CDH8: variants seen among roughly 807,000 people sequenced by gnomAD.
CDH8 encodes the protein cadherin-8.
CDH8 carries 17 observed loss-of-function variants against 68.1 expected under a neutral mutation model. The observed-to-expected ratio is 0.25, with a 90% CI of 0.17 to 0.37. The LOEUF is 0.37. Ranked by LOEUF, CDH8 falls within the 10% of genes least tolerant of loss-of-function variation. The pLI, the probability that CDH8 is intolerant of heterozygous loss-of-function variation, is 1.00. For missense variants in CDH8, 763 were observed against 999.3 expected (o/e 0.76, Z 3.19); for synonymous variants, 372 against 365.1 (o/e 1.02, Z -0.21).
chr16:61,684,096 T>C (rs1462307254), intron 10 of CDH8, among the ~76,000 whole-genome samples: 1 of 152,046 alleles, frequency 6.6e-6, no homozygotes, highest in Admixed American at 6.6e-5. Flanking sequence ...TGTGTCTTGA[T>C]AATTCCCTTT....
At chr16:62,034,080 C>T (rs1798455202) in intron 1 of CDH8, among the ~76,000 whole-genome samples, 1 of 151,920 alleles carries the variant, frequency 6.6e-6, no homozygotes, top group African/African-American at 2.4e-5. Context: ...TGGAGAACTC[C>T]CTTTAAGGGA....
chr16:61,687,553 T>C (rs945483476), intron 10 of CDH8, among the ~76,000 whole-genome samples: 10 of 151,990 alleles, frequency 6.6e-5, no homozygotes, highest in Admixed American at 3.3e-4. Flanking sequence ...ATGCTATCAA[T>C]TTAAATATAC....
At chr16:61,782,792 A>G (rs899328122) in intron 8 of CDH8, among the ~76,000 whole-genome samples, 18 of 152,126 alleles carry the variant, frequency 1.2e-4, no homozygotes, top group Non-Finnish European at 2.2e-4. Context: ...CTGACCCCTG[A>G]GCAGCCTAAC....
In CDH8 at chr16:61,939,507, G is replaced by A. The variant is rs568880023; in HGVS notation, c.253-38034C>T. Among the ~76,000 whole-genome samples, 12 of 152,248 alleles carry A rather than the reference G, an allele frequency of 7.9e-5. No individual in the cohort carries two copies. The South Asian group carries it at 1.7e-3, about 21-fold the overall frequency. On this transcript the variant is annotated intron_variant, in intron 2 of 11. Coordinates refer to ENST00000577390, the MANE Select transcript of CDH8 (RefSeq NM_001796.5). The stretch of plus-strand genomic sequence containing the variant: ...AAATATTCACCAGGTGACTTTTACT[G>A]CGATGTTTGAAGAACCTAGCTACCT...
At chr16:61,718,397 C>G (rs183348150) in intron 9 of CDH8, among the ~76,000 whole-genome samples, 1 of 151,492 alleles carries the variant, frequency 6.6e-6, no homozygotes, top group Non-Finnish European at 1.5e-5. Flanking sequence ...GAAGATCCAG[C>G]AATAATGAAC....
chr16:61,731,437 G>A (rs1035701879), intron 8 of CDH8, among the ~76,000 whole-genome samples: 1 of 151,692 alleles, frequency 6.6e-6, no homozygotes, highest in African/African-American at 2.4e-5. Flanking sequence ...GCAGTTGGCT[G>A]GCAATTAAAC....
At chr16:61,801,065 TAA>T (rs1360625734) in intron 7 of CDH8, among the ~76,000 whole-genome samples, 1 of 152,068 alleles carries the variant, frequency 6.6e-6, no homozygotes, top group Non-Finnish European at 1.5e-5. Flanking sequence ...GCATTATTAT[TAA>T]GTTTTGTTCC....
At chr16:61,807,126 G>T (rs891594103) in intron 7 of CDH8, among the ~76,000 whole-genome samples, 3 of 148,968 alleles carry the variant, frequency 2.0e-5, no homozygotes. Context: ...TATACACCAT[G>T]GAATACTATG....
chr16:61,766,321 C>A (rs77076000), intron 8 of CDH8, among the ~76,000 whole-genome samples: 141 of 152,032 alleles, frequency 9.3e-4, no homozygotes, highest in African/African-American at 3.1e-3. Context: ...AAAGATATTT[C>A]TTTTTTATGG....
At chr16:61,684,050 C>T (rs964032059) in intron 10 of CDH8, among the ~76,000 whole-genome samples, 1 of 152,032 alleles carries the variant, frequency 6.6e-6, no homozygotes, top group Non-Finnish European at 1.5e-5. Flanking sequence ...TTGCACCCTT[C>T]GTGCTCCTCA....
At chr16:61,961,264 G>C (rs186972184) in intron 2 of CDH8, among the ~76,000 whole-genome samples, 40 of 151,852 alleles carry the variant, frequency 2.6e-4, no homozygotes, top group Middle Eastern at 3.4e-3. Context: ...GCAGTGAGCT[G>C]ATATCGCACC....
intron 10 of CDH8, among the ~76,000 whole-genome samples, chr16:61,697,398 C>G (rs557138544): frequency 6.6e-6 from 1 of 152,226 alleles, no homozygotes; most frequent in South Asian, 2.1e-4. Flanking sequence ...AAACATAGAC[C>G]CTTACCCAGG....
chr16:61,759,965 T>C (rs1038531356), intron 8 of CDH8, among the ~76,000 whole-genome samples: 16 of 152,078 alleles, frequency 1.1e-4, no homozygotes, highest in African/African-American at 3.9e-4. Flanking sequence ...TTTGGATTGT[T>C]AGTCTTGGAA....
intron 10 of CDH8, among the ~76,000 whole-genome samples, chr16:61,690,233 A>G (rs981943046): frequency 5.3e-5 from 8 of 152,102 alleles, no homozygotes; most frequent in Admixed American, 2.6e-4. Context: ...AAGGAGGTCT[A>G]AAGATAGATT....
At chr16:61,725,819 C>T (rs761679499) in intron 9 of CDH8, 5 of 150,660 alleles carry the variant, frequency 3.3e-5, no homozygotes, top group African/African-American at 7.3e-5. Flanking sequence ...AAGCTGAATG[C>T]TTTGATGAGA....
chr16:61,833,873 A>G (rs1261880394), intron 4 of CDH8, among the ~76,000 whole-genome samples: 2 of 151,790 alleles, frequency 1.3e-5, no homozygotes, highest in African/African-American at 2.4e-5. Flanking sequence ...TTTTGATTGT[A>G]TGCACCTTTG....
At chr16:61,876,035 C>A (rs180829073) in intron 3 of CDH8, among the ~76,000 whole-genome samples, 1 of 152,144 alleles carries the variant, frequency 6.6e-6, no homozygotes, top group South Asian at 2.1e-4. Context: ...CGCCACCACA[C>A]CTGGCTAATT....
intron 10 of CDH8, among the ~76,000 whole-genome samples, chr16:61,682,678 C>T (rs79524854): frequency 6.8e-6 from 1 of 147,446 alleles, no homozygotes; most frequent in Admixed American, 6.8e-5. Flanking sequence ...AAAAAAAAAA[C>T]ATGTGTTTTG....
At chr16:61,662,929 T>C (rs1298913758) in intron 10 of CDH8, among the ~76,000 whole-genome samples, 1 of 152,020 alleles carries the variant, frequency 6.6e-6, no homozygotes, top group Non-Finnish European at 1.5e-5. Context: ...TCTTTTGTAA[T>C]GCTTTACAGA....
Sources: gnomAD v4.1 joint callset for allele counts (sites outside exome capture counted in the v4.1 genomes callset) on GRCh38, gnomAD v4.1.1 for gene constraint, MANE v1.5 for transcripts, NCBI Gene and HGNC (gene_info 2026-07-23, HGNC 2026-07-21) for gene names.